The following ADAM23 variants were observed in gnomAD, a reference collection of about 807,000 sequenced individuals.
The protein encoded by ADAM23 is disintegrin and metalloproteinase domain-containing protein 23.
A neutral mutation model predicts 120.1 loss-of-function variants in ADAM23; 33 were observed. The ratio of observed to expected loss-of-function variants is 0.27; its 90% CI spans 0.21 to 0.37. The LOEUF (loss-of-function observed/expected upper bound fraction) is 0.37. Ranked by LOEUF, ADAM23 falls within the 10% of genes least tolerant of loss-of-function variation. The probability of loss-of-function intolerance (pLI) is 1.00; values close to 1 mark genes in which losing one functional copy is unlikely to be tolerated. For missense variants in ADAM23, 862 were observed against 1,058.2 expected (o/e 0.81, Z 2.57); for synonymous variants, 367 against 375.2 (o/e 0.98, Z 0.25).
chr2:206,452,668 A>G (rs1307098455), intron 2 of ADAM23, among the ~76,000 whole-genome samples: 1 of 152,156 alleles, frequency 6.6e-6, no homozygotes, highest in African/African-American at 2.4e-5. Context: ...ATTAAAAAGA[A>G]AAAATAACCC....
chr2:206,506,773 G>A (rs1341006740), intron 3 of ADAM23, among the ~76,000 whole-genome samples: 3 of 152,072 alleles, frequency 2.0e-5, no homozygotes, highest in Admixed American at 2.0e-4. Flanking sequence ...TAACTTCTCT[G>A]CTGTTCACAA....
chr2:206,510,124 T>C (rs1218917530), intron 3 of ADAM23, among the ~76,000 whole-genome samples: 1 of 152,242 alleles, frequency 6.6e-6, no homozygotes, highest in African/African-American at 2.4e-5. Context: ...AGTTATGAAG[T>C]GCATATACTG....
At chr2:206,588,268 T>C (rs1262596199) in intron 20 of ADAM23, 114 bp downstream of exon 20, 2 of 1,110,450 alleles carry the variant, frequency 1.8e-6, no homozygotes, top group Admixed American at 2.5e-5. Context: ...TTTAAAAAAA[T>C]CTAGAAAGGA....
rs1314757957 is a variant in ADAM23, at chr2:206,617,607, A to C, written c.2479A>C (p.Thr827Pro). 1.2e-6 allele frequency: 2 copies of C among 1,612,440 alleles called. No individual in the cohort carries two copies. The highest frequency in any genetic ancestry group is 1.7e-6 in the Non-Finnish European group (2 of 1,179,244). Residue 827 changes from threonine to proline, a missense_variant, in exon 26 of 26, where the codon ACT becomes CCT. Physicochemically the swap from Thr to Pro is conservative, Grantham distance 38. Around this residue, in one of 4 missense-constraint regions of ADAM23, gnomAD observed 16 missense variants for 17.6 expected, o/e 0.91. Coordinates refer to ENST00000264377, the MANE Select transcript of ADAM23 (RefSeq NM_003812.4). The stretch of plus-strand genomic sequence containing the variant: ...TGTCAAGAAGAGAAGGTTCGATCCT[A>C]CTCAGCAAGGCCCCATCTGAATCAG... ...KNVKKRRFDP[T>P]QQGPI
intron 9 of ADAM23, among the ~76,000 whole-genome samples, chr2:206,552,002 T>C (rs959559470): frequency 2.0e-5 from 3 of 152,198 alleles, no homozygotes; most frequent in Non-Finnish European, 4.4e-5. Flanking sequence ...TGAAGGACTT[T>C]AATTTGCTTG....
Position 206,500,572 on chromosome 2 carries a change from A to G in ADAM23, c.509+19264A>G, listed in dbSNP as rs149245612. Among the ~76,000 whole-genome samples the G allele has an allele frequency of 5.2e-3, 798 of 152,264 alleles. 4 individuals carry two copies. Among genetic ancestry groups the G allele is most frequent in the Non-Finnish European group, 9.5e-3 (645 of 67,998 alleles). ...TTTGACTACTAGCTCTATAGGTAAT[A>G]CCTTTCACAGAGAAGCATGGATGCC... On this transcript the variant is annotated intron_variant, in intron 3 of 25. Transcript: ENST00000264377.
intron 2 of ADAM23, among the ~76,000 whole-genome samples, chr2:206,449,703 G>A (rs1053575851): frequency 5.9e-5 from 9 of 152,222 alleles, no homozygotes; most frequent in Non-Finnish European, 1.0e-4. Flanking sequence ...CCGGGAGGCG[G>A]AGGTTGCGGT....
intron 18 of ADAM23, among the ~76,000 whole-genome samples, chr2:206,582,222 T>C (rs1216494340): frequency 6.6e-6 from 1 of 152,228 alleles, no homozygotes; most frequent in Non-Finnish European, 1.5e-5. Flanking sequence ...GTGTGGTAGC[T>C]CCAGTGTTAG....
At position 206,547,514 on chromosome 2, in the gene ADAM23, TA is replaced by T; in HGVS notation, c.793+18del. On this transcript the variant is annotated intron_variant, in intron 7 of 25. Transcript: ENST00000264377. ...ATGAAGAATCTCAGTAAGTTTTAAC[TA>T]AAAATAGCGATTATATTTTATGTAG... The T allele has an allele frequency of 6.3e-7, 1 of 1,591,858 alleles. No homozygotes were observed. The highest frequency in any genetic ancestry group is 2.2e-5 in the East Asian group (1 of 44,740).
chr2:206,466,225 A>G (rs541610846), intron 2 of ADAM23, among the ~76,000 whole-genome samples: 2 of 152,324 alleles, frequency 1.3e-5, no homozygotes, highest in East Asian at 1.9e-4. Flanking sequence ...ACATTCATGC[A>G]TGTGATCCAT....
chr2:206,477,895 AAAATAT>A (rs1559225351), intron 2 of ADAM23, among the ~76,000 whole-genome samples: 4 of 102,196 alleles, frequency 3.9e-5, no homozygotes, highest in African/African-American at 1.4e-4. Context: ...AAAAAAAAAA[AAAATAT>A]ATATATATAT....
intron 25 of ADAM23, among the ~76,000 whole-genome samples, chr2:206,617,241 A>G (rs1169426104): frequency 1.3e-5 from 2 of 152,152 alleles, no homozygotes; most frequent in Non-Finnish European, 2.9e-5. Context: ...CCTTCCTGTA[A>G]TAATTTTCAC....
At chr2:206,452,543 A>C (rs1352210824) in intron 2 of ADAM23, among the ~76,000 whole-genome samples, 1 of 152,150 alleles carries the variant, frequency 6.6e-6, no homozygotes, top group Non-Finnish European at 1.5e-5. Flanking sequence ...GCAGTGGCTC[A>C]CACCTGTCAT....
intron 21 of ADAM23, 112 bp downstream of exon 21, chr2:206,589,626 C>A: frequency 1.3e-6 from 1 of 777,572 alleles, no homozygotes; most frequent in Non-Finnish European, 1.9e-6. Context: ...GTTCACCATT[C>A]CAAAATTTAA....
intron 4 of ADAM23, among the ~76,000 whole-genome samples, chr2:206,534,503 A>G (rs1257394178): frequency 1.3e-5 from 2 of 151,978 alleles, no homozygotes; most frequent in Non-Finnish European, 2.9e-5. Context: ...TGTAGTGAGA[A>G]CATTTAAGAT....
chr2:206,523,207 T>C (rs889622011), intron 3 of ADAM23, among the ~76,000 whole-genome samples: 3 of 152,212 alleles, frequency 2.0e-5, no homozygotes, highest in Non-Finnish European at 4.4e-5. Context: ...TTATTATGGC[T>C]AATGGGACCA....
At chr2:206,525,960 G>C (rs1287003909) in intron 3 of ADAM23, among the ~76,000 whole-genome samples, 1 of 152,104 alleles carries the variant, frequency 6.6e-6, no homozygotes, top group Non-Finnish European at 1.5e-5. Context: ...TTGGTTAATA[G>C]CTTTCCTAGA....
rs58608986 is a variant in ADAM23 at position 206,444,659 on chromosome 2, G to A, written c.214+579G>A. ...AATATAATACCATCTTCTATATATT[G>A]ATGATTGGAAGTCACTGAAAGCAGA... On this transcript the variant is annotated intron_variant, in intron 1 of 25. Coordinates refer to ENST00000264377, the MANE Select transcript of ADAM23 (RefSeq NM_003812.4). Among the ~76,000 whole-genome samples, 1,234 of 152,302 alleles carry A rather than the reference G, an allele frequency of 8.1e-3. 19 individuals carry two copies. Among genetic ancestry groups the A allele is most frequent in the African/African-American group, 0.028 (1,172 of 41,556 alleles).
At chr2:206,592,228 T>A (rs1698438168) in intron 21 of ADAM23, among the ~76,000 whole-genome samples, 1 of 152,158 alleles carries the variant, frequency 6.6e-6, no homozygotes, top group Non-Finnish European at 1.5e-5. Context: ...GTCTCTAACC[T>A]TTTATCCAGA....
Sources: gnomAD v4.1 joint callset for allele counts (sites outside exome capture counted in the v4.1 genomes callset) on GRCh38, gnomAD v4.1.1 for gene constraint, gnomAD v4.1.1 regional missense constraint, MANE v1.5 for transcripts, NCBI Gene and HGNC (gene_info 2026-07-23, HGNC 2026-07-21) for gene names.